The following NUP210L variants were observed in gnomAD, a reference collection of about 807,000 sequenced individuals.
NUP210L encodes nuclear pore membrane glycoprotein 210-like.
A neutral mutation model predicts 208.5 loss-of-function variants in NUP210L; 74 were observed. That is an observed-to-expected ratio of 0.35 (90% confidence interval 0.29 to 0.43). NUP210L has a LOEUF of 0.43. Among genes scored for constraint, NUP210L ranks in the 20% least tolerant of loss-of-function variants. The probability of loss-of-function intolerance (pLI) is 1.00; values close to 1 mark genes in which losing one functional copy is unlikely to be tolerated. For missense variants in NUP210L, 1,843 were observed against 2,289.4 expected (o/e 0.81, Z 3.98); for synonymous variants, 780 against 816.9 (o/e 0.95, Z 0.77).
intron 17 of NUP210L, among the ~76,000 whole-genome samples, chr1:154,065,253 C>G (rs1449210864): frequency 6.6e-6 from 1 of 151,546 alleles, no homozygotes; most frequent in Non-Finnish European, 1.5e-5. Flanking sequence ...GAACCTGTCT[C>G]TACAAAAAAT....
At chr1:153,995,612 G>A (rs989664548) in intron 37 of NUP210L, 8 of 965,304 alleles carry the variant, frequency 8.3e-6, no homozygotes, top group African/African-American at 6.4e-5. Context: ...TTCCAGGGAC[G>A]TTGTCTGCAG....
In NUP210L at chr1:154,070,336, C is replaced by A; in HGVS notation, c.2491G>T (p.Glu831Ter). The stretch of plus-strand genomic sequence containing the variant: ...ACCATTTCCACTGATTTATAATCTT[C>A]GAAATGGGCTAGTGTTTCATTGGAG... The change falls in exon 17 of 40, where the codon GAA (glutamate) becomes TAA (stop). Residue 831 changes from glutamate (E) to a stop codon, truncating the protein, a stop_gained. Coordinates refer to ENST00000368559, the Ensembl canonical transcript of NUP210L. LOFTEE classifies it high-confidence loss of function. 1 of 1,612,876 alleles carries A rather than the reference C, an allele frequency of 6.2e-7. No individual in the cohort carries two copies. The highest frequency in any genetic ancestry group is 8.5e-7 in the Non-Finnish European group (1 of 1,179,586).
At chr1:154,091,971 T>C (rs1042675175) in intron 15 of NUP210L, among the ~76,000 whole-genome samples, 16 of 151,920 alleles carry the variant, frequency 1.1e-4, no homozygotes, top group Non-Finnish European at 1.9e-4. Context: ...AAATACTACA[T>C]GATTCCATTT....
At chr1:154,105,906 G>A (rs1333356404) in intron 12 of NUP210L, among the ~76,000 whole-genome samples, 3 of 152,126 alleles carry the variant, frequency 2.0e-5, no homozygotes, top group African/African-American at 4.8e-5. Context: ...TATTTGCCAC[G>A]GGTCTGGGGC....
At chr1:154,058,735 G>A in intron 20 of NUP210L, 42 bp from the exon 21 acceptor site, 1 of 1,597,976 alleles carries the variant, frequency 6.3e-7, no homozygotes, top group Non-Finnish European at 8.5e-7. Flanking sequence ...AAGCAAACAT[G>A]CTCCAAGCAT....
intron 16 of NUP210L, among the ~76,000 whole-genome samples, chr1:154,072,412 A>G (rs570883422): frequency 1.1e-3 from 144 of 128,194 alleles, no homozygotes; most frequent in Admixed American, 3.6e-3. Flanking sequence ...GGCTCACTGC[A>G]AGCTCCACCT....
rs1182530663 is a variant in NUP210L, at chr1:154,105,388, C to T, written c.1621-1178G>A. Among the ~76,000 whole-genome samples, 7 of 151,608 alleles carry T rather than the reference C, an allele frequency of 4.6e-5. No individual in the cohort carries two copies. The East Asian group carries it at 1.4e-3, about 30-fold the overall frequency. ...ACCTGTAATCCCAGCTATCAGGAGG[C>T]TGAGGCATGAGAATTGCTTGAACCC... is the stretch of plus-strand genomic sequence containing the variant. On this transcript the variant is annotated intron_variant, in intron 12 of 39. Coordinates refer to ENST00000368559, the Ensembl canonical transcript of NUP210L.
In NUP210L at chr1:154,003,262, C is replaced by A. The variant is rs542077565; in HGVS notation, c.4931-1277G>T. On this transcript the variant is annotated intron_variant, in intron 35 of 39. Coordinates refer to ENST00000368559, the Ensembl canonical transcript of NUP210L. The stretch of plus-strand genomic sequence containing the variant: ...TCGCCCTGTTGCCCAGGCTAGAGTG[C>A]AGTGGCGCAATCTCAGCTCACTGCA... 7.9e-5 allele frequency among the ~76,000 whole-genome samples: 12 copies of A among 151,838 alleles called. No homozygotes were observed. In the South Asian group the frequency reaches 2.3e-3, roughly 29 times the overall value.
At chr1:154,017,169 T>C (rs1170403741) in intron 33 of NUP210L, among the ~76,000 whole-genome samples, 1 of 151,716 alleles carries the variant, frequency 6.6e-6, no homozygotes, top group Non-Finnish European at 1.5e-5. Flanking sequence ...TAATCCCAGC[T>C]ACTCAGGAGG....
chr1:154,122,725 G>A (rs1657678014), intron 10 of NUP210L, among the ~76,000 whole-genome samples: 1 of 152,082 alleles, frequency 6.6e-6, no homozygotes. Context: ...ATACAATGCT[G>A]GTGGAATGTA....
intron 16 of NUP210L, among the ~76,000 whole-genome samples, chr1:154,077,545 C>T (rs1449621636): frequency 6.6e-6 from 1 of 151,988 alleles, no homozygotes; most frequent in East Asian, 1.9e-4. Flanking sequence ...AAAGGGAGTC[C>T]TTCAGGATGC....
chr1:154,152,998 G>A, intron 1 of NUP210L, 126 bp from the exon 2 acceptor site: 1 of 754,616 alleles, frequency 1.3e-6, no homozygotes. Flanking sequence ...ACTTTTTAAA[G>A]AAGGAACATT....
intron 3 of NUP210L, among the ~76,000 whole-genome samples, chr1:154,143,083 G>A (rs1558007825): frequency 6.6e-6 from 1 of 151,794 alleles, no homozygotes; most frequent in Non-Finnish European, 1.5e-5. Flanking sequence ...AGCTACCCAG[G>A]AGGCTGAAGC....
chr1:154,145,830 A>G (rs1659086736), intron 2 of NUP210L, among the ~76,000 whole-genome samples: 1 of 152,208 alleles, frequency 6.6e-6, no homozygotes, highest in Admixed American at 6.5e-5. Flanking sequence ...ATATATACAT[A>G]TATTTCCTAG....
intron 27 of NUP210L, among the ~76,000 whole-genome samples, chr1:154,040,760 T>G (rs546194381): frequency 6.6e-5 from 10 of 152,068 alleles, no homozygotes; most frequent in African/African-American, 2.4e-4. Context: ...CTAAATTTTT[T>G]TTTATTGTTT....
chr1:154,037,662 T>C (rs1341185020), intron 27 of NUP210L, among the ~76,000 whole-genome samples: 1 of 151,976 alleles, frequency 6.6e-6, no homozygotes, highest in Admixed American at 6.6e-5. Context: ...ATGTCTTTTA[T>C]TTTATTTTAT....
chr1:154,038,545 A>AT (rs1652691028), intron 27 of NUP210L, among the ~76,000 whole-genome samples: 2 of 152,018 alleles, frequency 1.3e-5, no homozygotes, highest in Admixed American at 1.3e-4. Flanking sequence ...GGGTTTCACC[A>AT]TGTTGGTCAG....
At chr1:154,116,292 C>T (rs1657328176) in intron 12 of NUP210L, among the ~76,000 whole-genome samples, 1 of 147,866 alleles carries the variant, frequency 6.8e-6, no homozygotes, top group South Asian at 2.1e-4. Flanking sequence ...GGTGTGTTGG[C>T]GGGTGCCTGT....
chr1:154,141,481 G>A (rs1003756994), exon 4 of NUP210L: 4 of 1,613,024 alleles, frequency 2.5e-6, no homozygotes, highest in Non-Finnish European at 3.4e-6. Flanking sequence ...CCTGGGCAAT[G>A]CTCCACTCAA....
Sources: allele counts gnomAD v4.1 joint callset (sites outside exome capture counted in the v4.1 genomes callset), GRCh38; gene constraint gnomAD v4.1.1; transcripts MANE v1.5; gene names NCBI Gene and HGNC (gene_info 2026-07-23, HGNC 2026-07-21).